Variants in SFMBT2 observed in about 807,000 individuals in gnomAD.
SFMBT2 encodes Scm like with four mbt domains 2, also known as scm-like with four MBT domains protein 2.
Under a neutral mutation model 110.1 loss-of-function variants are expected in SFMBT2, and 38 were observed. That is an observed-to-expected ratio of 0.35 (90% CI 0.27 to 0.45). The LOEUF (loss-of-function observed/expected upper bound fraction) is 0.45. Ranked by LOEUF, SFMBT2 falls within the 20% of genes least tolerant of loss-of-function variation. The probability of loss-of-function intolerance (pLI) is 1.00; values close to 1 mark genes in which losing one functional copy is unlikely to be tolerated. For missense variants in SFMBT2, 1,011 were observed against 1,094.9 expected (o/e 0.92, Z 1.08); for synonymous variants, 425 against 425.4 (o/e 1.00, Z 0.01).
chr10:7,243,372 A>G (rs1840498152), intron 9 of SFMBT2, among the ~76,000 whole-genome samples, 186 bp downstream of exon 9: 1 of 152,140 alleles, frequency 6.6e-6, no homozygotes, highest in South Asian at 2.1e-4. Context: ...GCCCAAGGCC[A>G]CTCGCCTCGC....
rs1235876217 is a variant in SFMBT2 at position 7,367,609 on chromosome 10, T to C, written c.436+40A>G. On this transcript the variant is annotated intron_variant, in intron 4 of 20. Coordinates refer to ENST00000397167, the MANE Select transcript of SFMBT2 (RefSeq NM_001387889.1). The surrounding 1 kb of genome is among the most constrained non-coding windows in gnomAD (Gnocchi z 6.2). ...GCAAAATTACAGGCGTCATGAAGGATGGCGGCTCGTAAATCGAAGCCTTTG... is the reference window on the plus strand; with the variant it reads ...GCAAAATTACAGGCGTCATGAAGGACGGCGGCTCGTAAATCGAAGCCTTTG... 3.8e-6 allele frequency: 6 copies of C among 1,588,930 alleles called. No homozygotes were observed. Among genetic ancestry groups the C allele is most frequent in the Non-Finnish European group, 4.3e-6 (5 of 1,166,754 alleles).
At position 7,197,587 on chromosome 10, in the gene SFMBT2, C is replaced by T. The variant is rs150531627; in HGVS notation, c.1659G>A (p.Gln553=). The change falls in exon 15 of 21, where the codon CAG becomes CAA. Residue 553 remains glutamine, a synonymous_variant. Coordinates refer to ENST00000397167, the MANE Select transcript of SFMBT2 (RefSeq NM_001387889.1). The part of the protein sequence containing the change: ...LNKGRIAELP[Q]SVGPGKCVLV... The stretch of plus-strand genomic sequence containing the variant: ...GCACGCATTTGCCCGGTCCCACCGA[C>T]TGAGGTAGCTCTGCAATCCTTCCTT... The T allele has an allele frequency of 2.9e-4, 473 of 1,614,226 alleles. 2 individuals carry two copies. The African/African-American group carries it at 5.7e-3, about 20-fold the overall frequency.
intron 16 of SFMBT2, among the ~76,000 whole-genome samples, chr10:7,181,965 G>A (rs1476270252): frequency 1.3e-5 from 2 of 152,138 alleles, no homozygotes; most frequent in Admixed American, 6.5e-5. Context: ...ATCCTTACAT[G>A]ATCTTCCCAG....
At chr10:7,205,751 G>A (rs1236129632) in intron 12 of SFMBT2, 64 bp downstream of exon 12, 8 of 1,549,172 alleles carry the variant, frequency 5.2e-6, no homozygotes, top group African/African-American at 1.4e-5. Flanking sequence ...TCTTTATGAA[G>A]CTGCCAATTT....
intron 4 of SFMBT2, among the ~76,000 whole-genome samples, chr10:7,340,213 C>A (rs139427277): frequency 6.6e-6 from 1 of 151,896 alleles, no homozygotes; most frequent in African/African-American, 2.4e-5. Flanking sequence ...CAAAAGGAAG[C>A]GAAAATATAT....
chr10:7,264,173 C>T (rs1841310299), intron 7 of SFMBT2: 1 of 244,056 alleles, frequency 4.1e-6, no homozygotes, highest in Non-Finnish European at 6.6e-6. Flanking sequence ...CTCTACATGT[C>T]CGTGTCCCTT....
At chr10:7,235,520 C>T (rs947630606) in intron 9 of SFMBT2, among the ~76,000 whole-genome samples, 8 of 144,338 alleles carry the variant, frequency 5.5e-5, no homozygotes, top group African/African-American at 2.0e-4. Flanking sequence ...TCACACCACA[C>T]ACTACATACC....
chr10:7,387,536 G>C (rs2255503), intron 1 of SFMBT2, among the ~76,000 whole-genome samples: 11,725 of 152,024 alleles, frequency 0.077, 1,032 homozygotes, highest in African/African-American at 0.22. Context: ...TATCAACAAG[G>C]ATAGGAAGGC....
chr10:7,238,389 C>T (rs751004929), intron 9 of SFMBT2, among the ~76,000 whole-genome samples: 3 of 152,098 alleles, frequency 2.0e-5, no homozygotes, highest in Non-Finnish European at 4.4e-5. Flanking sequence ...TTGAAAAACA[C>T]GAATCAAACA....
Position 7,249,526 on chromosome 10 carries a change from C to T in SFMBT2, c.871-877G>A, listed in dbSNP as rs531885548. 42 of 985,294 alleles carry T rather than the reference C, an allele frequency of 4.3e-5. No individual in the cohort carries two copies. In the South Asian group the frequency reaches 1.6e-3, roughly 36 times the overall value. The allele number at this position is 985,294 out of a possible 1,614,324, so 61.0% of individuals were successfully genotyped here. On this transcript the variant is annotated intron_variant, in intron 7 of 20. Coordinates refer to ENST00000397167, the MANE Select transcript of SFMBT2 (RefSeq NM_001387889.1). ...GAGGAAATAATACCTGCAAATAAAT[C>T]CTGCGATTTCCAAATACATCAATTG...
chr10:7,342,523 C>G lies in SFMBT2; in HGVS notation c.436+25126G>C, dbSNP rs985883527. 2.6e-5 allele frequency among the ~76,000 whole-genome samples: 4 copies of G among 150,992 alleles called. No individual in the cohort carries two copies. The Admixed American group carries it at 2.7e-4, about 10-fold the overall frequency. On this transcript the variant is annotated intron_variant, in intron 4 of 20. Transcript: ENST00000397167. ...TCCCGGGTTCATGCCATTCTCCTGC[C>G]TCAGCCTCCCGAGCAGCTGGGACTA... is the stretch of plus-strand genomic sequence containing the variant.
At chr10:7,389,944 T>C (rs1845722220) in intron 1 of SFMBT2, among the ~76,000 whole-genome samples, 1 of 152,236 alleles carries the variant, frequency 6.6e-6, no homozygotes, top group Non-Finnish European at 1.5e-5. Context: ...AATAGAGTAA[T>C]GCTAGCACAG....
intron 4 of SFMBT2, among the ~76,000 whole-genome samples, chr10:7,306,471 G>A (rs1842702169): frequency 6.6e-6 from 1 of 152,172 alleles, no homozygotes; most frequent in African/African-American, 2.4e-5. Context: ...ACAGTGAACT[G>A]AGTAGCGGCA....
chr10:7,394,169 G>C (rs1192205294), intron 1 of SFMBT2, among the ~76,000 whole-genome samples: 1 of 152,094 alleles, frequency 6.6e-6, no homozygotes, highest in African/African-American at 2.4e-5. Flanking sequence ...GGTAGAGACG[G>C]GGTTTCACCA....
intron 2 of SFMBT2, among the ~76,000 whole-genome samples, chr10:7,376,779 C>T (rs555459568): frequency 2.6e-4 from 31 of 117,264 alleles, no homozygotes; most frequent in Admixed American, 7.1e-4. Context: ...GAGACTGAGG[C>T]CAGCTGAAGT....
intron 4 of SFMBT2, among the ~76,000 whole-genome samples, chr10:7,309,020 A>C (rs1265640191): frequency 2.6e-5 from 4 of 152,244 alleles, no homozygotes; most frequent in Admixed American, 2.0e-4. Context: ...TTATGTGTCA[A>C]CTTGACTGGA....
chr10:7,312,494 GAA>G (rs1842887064), intron 4 of SFMBT2, among the ~76,000 whole-genome samples: 1 of 152,112 alleles, frequency 6.6e-6, no homozygotes, highest in Non-Finnish European at 1.5e-5. Flanking sequence ...TAAAATAGAG[GAA>G]AAGAGAATGA....
At chr10:7,340,774 A>G (rs1042239067) in intron 4 of SFMBT2, among the ~76,000 whole-genome samples, 3 of 150,994 alleles carry the variant, frequency 2.0e-5, no homozygotes, top group Non-Finnish European at 2.9e-5. Flanking sequence ...ATGGGAGCAC[A>G]CTGCCAACCA....
At chr10:7,179,391 G>GAAAAAAAAAAAAAAAAA (rs57497418) in intron 16 of SFMBT2, among the ~76,000 whole-genome samples, 1 of 70,300 alleles carries the variant, frequency 1.4e-5, no homozygotes, top group Non-Finnish European at 2.6e-5. Flanking sequence ...TTGCATTTTC[G>GAAAAAAAAAAAAAAAAA]AAAAAAAAAA....
Sources: gnomAD v4.1 joint callset for allele counts (sites outside exome capture counted in the v4.1 genomes callset) on GRCh38, gnomAD v4.1.1 for gene constraint, Gnocchi (gnomAD v3.1) non-coding constraint, MANE v1.5 for transcripts, NCBI Gene and HGNC (gene_info 2026-07-23, HGNC 2026-07-21) for gene names.